Variants in SCAP observed in about 807,000 individuals in gnomAD.
SCAP encodes the protein SREBF chaperone.
Under a neutral mutation model 123.6 loss-of-function variants are expected in SCAP, and 65 were observed. That is an observed-to-expected ratio of 0.53 (90% CI 0.43 to 0.65). The LOEUF (loss-of-function observed/expected upper bound fraction) is 0.65, where lower values mean the gene tolerates loss of function less well. Ranked by LOEUF, SCAP falls within the 30% of genes least tolerant of loss-of-function variation. The probability of loss-of-function intolerance (pLI) is 0.00; values close to 1 mark genes in which losing one functional copy is unlikely to be tolerated. For missense variants in SCAP, 1,398 were observed against 1,712.5 expected, an observed-to-expected ratio of 0.82 and a Z score of 3.24; for synonymous variants, 740 against 726.3, an observed-to-expected ratio of 1.02 and a Z score of -0.30.
rs761362356 is a variant in SCAP, at chr3:47,422,571, A to G, written c.1151-35T>C. 2.6e-6 allele frequency: 4 copies of G among 1,535,126 alleles called. 1 individual carries two copies. Among genetic ancestry groups the G allele is most frequent in the Admixed American group, 1.7e-5 (1 of 57,658 alleles). On this transcript the variant is annotated intron_variant, in intron 9 of 22. Transcript: ENST00000265565. ...GCAGCAACAGGGCACAGGGCAACAC[A>G]TGGCCACTCTGCGACATGACTCACA...
At position 47,417,274 on chromosome 3, in the gene SCAP, GCTCTGCCCACCTTTAGCCC is replaced by G. The variant is rs758942424; in HGVS notation, c.2970+11_2970+29del. 9 of 1,611,510 alleles carry G rather than the reference GCTCTGCCCACCTTTAGCCC, an allele frequency of 5.6e-6. No homozygotes were observed. The highest frequency in any genetic ancestry group is 1.3e-5 in the African/African-American group (1 of 74,862). ...CCCACAATCCCCGGGGCGGACAGCC[GCTCTGCCCACCTTTAGCCC>G]CTCTGCCCACCTCCAGCCGGCCGCT... On this transcript the variant is annotated intron_variant, in intron 17 of 22. Coordinates refer to ENST00000265565, the MANE Select transcript of SCAP (RefSeq NM_012235.4).
chr3:47,470,016 T>C (rs926617150), intron 1 of SCAP: 10 of 330,096 alleles, frequency 3.0e-5, no homozygotes, highest in Middle Eastern at 7.1e-4. Context: ...AAAATATCGT[T>C]TGGCATTCTT....
intron 1 of SCAP, among the ~76,000 whole-genome samples, chr3:47,455,594 C>CAAA (rs544006040): frequency 9.8e-4 from 41 of 42,016 alleles, no homozygotes; most frequent in East Asian, 1.3e-3. Flanking sequence ...GACTCCACCT[C>CAAA]AAAAAAAAAA....
In SCAP at chr3:47,454,965, G is replaced by C. The variant is rs907853711; in HGVS notation, c.-98-11874C>G. ...AGTTATCACAATCAGTCAAGACAAAGAAAACATAGGTATACAACTGGAAAG... is the reference window on the plus strand; with the variant it reads ...AGTTATCACAATCAGTCAAGACAAACAAAACATAGGTATACAACTGGAAAG... On this transcript the variant is annotated intron_variant, in intron 1 of 22. Coordinates refer to ENST00000265565, the MANE Select transcript of SCAP (RefSeq NM_012235.4). Among the ~76,000 whole-genome samples, 14 of 148,890 alleles carry C rather than the reference G, an allele frequency of 9.4e-5. No homozygotes were observed. In the Admixed American group the frequency reaches 9.4e-4, roughly 10 times the overall value.
rs1707194798 is a variant in SCAP, at chr3:47,450,431, T to C, written c.-98-7340A>G. Among the ~76,000 whole-genome samples, 2 of 124,922 alleles carry C rather than the reference T, an allele frequency of 1.6e-5. 1 individual carries two copies. The highest frequency in any genetic ancestry group is 5.9e-4 in the South Asian group (2 of 3,406). 82.0% of individuals were successfully genotyped at this position (124,922 alleles called of 152,430 possible). A position where few individuals can be genotyped will look rare whatever the true frequency, so the allele number is the denominator to read the frequency against. ...ACAATTTGAAAAAATAAAAATTATA[T>C]ACAAAAAGTGCACAAAAGGAGAATA... On this transcript the variant is annotated intron_variant, in intron 1 of 22. Transcript: ENST00000265565.
chr3:47,420,708 T>C lies in SCAP; in HGVS notation c.1409A>G (p.Gln470Arg). Reference sequence around the variant, plus strand: ...CAGCTGCCGCTCGTAGCGCGTTGGCTGTCCCACTGGCTTGGCTGAGGGCAG... The same window carrying C: ...CAGCTGCCGCTCGTAGCGCGTTGGCCGTCCCACTGGCTTGGCTGAGGGCAG... ...ACLPSAKPVG[Q>R]PTRYERQLAV... The change falls in exon 12 of 23, where the codon CAG (glutamine) becomes CGG (arginine). Residue 470 changes from glutamine to arginine, a missense_variant. Transcript: ENST00000265565. This position sits in a 1 kb window ranked among gnomAD's most constrained non-coding sequence, Gnocchi z 5.0. The C allele has an allele frequency of 6.2e-7, 1 of 1,611,690 alleles. No individual in the cohort carries two copies. Among genetic ancestry groups the C allele is most frequent in the South Asian group, 1.1e-5 (1 of 90,994 alleles).
chr3:47,446,869 AAG>A (rs891531079), intron 1 of SCAP, among the ~76,000 whole-genome samples: 1 of 152,086 alleles, frequency 6.6e-6, no homozygotes, highest in African/African-American at 2.4e-5. Flanking sequence ...ACTTGAGCCA[AAG>A]AGTTTGAGGC....
intron 2 of SCAP, among the ~76,000 whole-genome samples, chr3:47,440,862 A>AG (rs1706771656): frequency 6.6e-6 from 1 of 152,126 alleles, no homozygotes; most frequent in African/African-American, 2.4e-5. Context: ...CCCTGTCTCA[A>AG]GGAAGAAAAA....
chr3:47,420,929 A>G lies in SCAP; in HGVS notation c.1344+2T>C. 2 of 1,613,118 alleles carry G rather than the reference A, an allele frequency of 1.2e-6. No homozygotes were observed. The highest frequency in any genetic ancestry group is 2.2e-5 in the East Asian group (1 of 44,866). On this transcript the variant is annotated splice_donor_variant, in intron 11 of 22. Coordinates refer to ENST00000265565, the MANE Select transcript of SCAP (RefSeq NM_012235.4). LOFTEE classifies it high-confidence loss of function. The surrounding 1 kb of genome is among the most constrained non-coding windows in gnomAD (Gnocchi z 5.0). ...GCAGGGCAGGGCTCAGCCCACTCCTACCTCCATCCGGCGAATGTCAATGGA... is the reference window on the plus strand; with the variant it reads ...GCAGGGCAGGGCTCAGCCCACTCCTGCCTCCATCCGGCGAATGTCAATGGA...
At chr3:47,458,010 G>A (rs762209014) in intron 1 of SCAP, among the ~76,000 whole-genome samples, 42 of 152,158 alleles carry the variant, frequency 2.8e-4, no homozygotes, top group Admixed American at 1.2e-3. Flanking sequence ...AAAAAAGGTC[G>A]GGCACGGTGG....
chr3:47,445,895 G>A lies in SCAP; in HGVS notation c.-98-2804C>T, dbSNP rs1368484811. On this transcript the variant is annotated intron_variant, in intron 1 of 22. Transcript: ENST00000265565. ...CTCAATTTTTTTTTTTTTTTTTTTTGAGACAGAGTCTTGCTCTGTCACCAG... is the reference window on the plus strand; with the variant it reads ...CTCAATTTTTTTTTTTTTTTTTTTTAAGACAGAGTCTTGCTCTGTCACCAG... 9.1e-5 allele frequency among the ~76,000 whole-genome samples: 6 copies of A among 66,196 alleles called. No individual in the cohort carries two copies. In the South Asian group the frequency reaches 2.6e-3, roughly 29 times the overall value. The allele number at this position is 66,196 out of a possible 152,430, so 43.4% of individuals were successfully genotyped here.
In SCAP at chr3:47,448,227, C is replaced by A. The variant is rs190450586; in HGVS notation, c.-98-5136G>T. Among the ~76,000 whole-genome samples, 439 of 152,158 alleles carry A rather than the reference C, an allele frequency of 2.9e-3. 1 individual carries two copies. Among genetic ancestry groups the A allele is most frequent in the Non-Finnish European group, 4.3e-3 (294 of 68,008 alleles). ...TTTGTTAGATTTATACCTACCATTT[C>A]ACTTTTTAGCAACTATGTTTTCAAT... is the stretch of plus-strand genomic sequence containing the variant. On this transcript the variant is annotated intron_variant, in intron 1 of 22. Coordinates refer to ENST00000265565, the MANE Select transcript of SCAP (RefSeq NM_012235.4).
chr3:47,464,781 C>T (rs563214306), intron 1 of SCAP, among the ~76,000 whole-genome samples: 3 of 152,296 alleles, frequency 2.0e-5, no homozygotes, highest in South Asian at 2.1e-4. Flanking sequence ...CTCACTGCCT[C>T]ATTTACCCTT....
chr3:47,418,640 A>G lies in SCAP; in HGVS notation c.2129+15T>C. ...CCCGCACTCTTTCCCACCCCACCCC[A>G]CCCAGCAGCCTTACTTGTACAGCGT... On this transcript the variant is annotated intron_variant, in intron 14 of 22. Coordinates refer to ENST00000265565, the MANE Select transcript of SCAP (RefSeq NM_012235.4). The G allele has an allele frequency of 6.6e-6, 2 of 301,492 alleles. No homozygotes were observed. Among genetic ancestry groups the G allele is most frequent in the South Asian group, 3.8e-5 (1 of 26,352 alleles). 18.7% of individuals were successfully genotyped at this position (301,492 alleles called of 1,614,324 possible). A position where few individuals can be genotyped will look rare whatever the true frequency, so the allele number is the denominator to read the frequency against.
chr3:47,462,301 G>A (rs1257032153), intron 1 of SCAP, among the ~76,000 whole-genome samples: 1 of 152,066 alleles, frequency 6.6e-6, no homozygotes, highest in African/African-American at 2.4e-5. Flanking sequence ...ACTTGTCAAA[G>A]GTTTTTCTGT....
chr3:47,413,929 G>A lies in SCAP; in HGVS notation c.3765C>T (p.Asn1255=), dbSNP rs112830289. The change falls in exon 23 of 23, where the codon AAC becomes AAT. Residue 1255 remains asparagine (N), a synonymous_variant. Transcript: ENST00000265565. The part of the protein sequence containing the change: ...QPARQILVLD[N]AAIVCNFGSE... ...TGCCAAAGTTGCAGACAATGGCAGC[G>A]TTGTCCAGCACCAGGATCTGGCGGG... 8,102 of 1,613,280 alleles carry A rather than the reference G, an allele frequency of 5.0e-3. 104 individuals carry two copies. The highest frequency in any genetic ancestry group is 4.4e-3 in the Non-Finnish European group (5,146 of 1,180,020).
At chr3:47,428,985 A>C in intron 3 of SCAP, 4 of 267,114 alleles carry the variant, frequency 1.5e-5, no homozygotes, top group South Asian at 5.4e-5. Flanking sequence ...TTTCATACTA[A>C]CTCCCCCCGG....
At chr3:47,463,750 C>T (rs1388530044) in intron 1 of SCAP, among the ~76,000 whole-genome samples, 1 of 152,080 alleles carries the variant, frequency 6.6e-6, no homozygotes, top group Non-Finnish European at 1.5e-5. Flanking sequence ...AGGGGCTTAG[C>T]CTTGTTCACT....
intron 3 of SCAP, among the ~76,000 whole-genome samples, chr3:47,432,863 A>G (rs1706423094): frequency 6.6e-6 from 1 of 152,050 alleles, no homozygotes; most frequent in Non-Finnish European, 1.5e-5. Context: ...ATCCTCTCTC[A>G]TTCCCAGCAA....
Sources: gnomAD v4.1 joint callset for allele counts (sites outside exome capture counted in the v4.1 genomes callset) on GRCh38, gnomAD v4.1.1 for gene constraint, Gnocchi (gnomAD v3.1) non-coding constraint, MANE v1.5 for transcripts, NCBI Gene and HGNC (gene_info 2026-07-23, HGNC 2026-07-21) for gene names.